Variants in RASGRP3 observed in about 807,000 individuals in gnomAD.
RASGRP3 encodes RAS guanyl releasing protein 3, also known as ras guanyl-releasing protein 3.
Under a neutral mutation model 82.7 loss-of-function variants are expected in RASGRP3, and 54 were observed. The ratio of observed to expected loss-of-function variants is 0.65; its 90% CI spans 0.52 to 0.82. RASGRP3 has a LOEUF of 0.82. RASGRP3 is among the 40% of genes least tolerant of loss of function. The probability of loss-of-function intolerance (pLI) is 0.00; values close to 1 mark genes in which losing one functional copy is unlikely to be tolerated. For synonymous variants in RASGRP3, 309 were observed against 300.5 expected, an observed-to-expected ratio of 1.03 and a Z score of -0.29; for missense variants, 861 against 828.9, an observed-to-expected ratio of 1.04 and a Z score of -0.48.
chr2:33,462,495 A>G (rs1666433932), intron 2 of RASGRP3, among the ~76,000 whole-genome samples: 1 of 151,480 alleles, frequency 6.6e-6, no homozygotes, highest in South Asian at 2.1e-4. Context: ...CTCCTGCCTC[A>G]GCCTCCCAAG....
intron 3 of RASGRP3, among the ~76,000 whole-genome samples, chr2:33,516,038 G>A (rs1671430109): frequency 6.6e-6 from 1 of 152,136 alleles, no homozygotes; most frequent in Admixed American, 6.6e-5. Context: ...TACTAAAACT[G>A]TCAACTGTAG....
intron 1 of RASGRP3, among the ~76,000 whole-genome samples, chr2:33,483,769 G>A (rs1218158997): frequency 6.6e-6 from 1 of 152,156 alleles, no homozygotes. Context: ...GATTACAGGT[G>A]TGAGCCACTG....
intron 12 of RASGRP3, among the ~76,000 whole-genome samples, chr2:33,541,189 TA>T (rs1674255023): frequency 6.8e-6 from 1 of 147,218 alleles, no homozygotes; most frequent in Admixed American, 7.0e-5. Flanking sequence ...TCTCTGATTA[TA>T]AAGGAAGATA....
intron 1 of RASGRP3, chr2:33,482,497 A>G (rs1159271712): frequency 1.3e-5 from 2 of 152,262 alleles, no homozygotes; most frequent in Admixed American, 1.3e-4. Flanking sequence ...TCCTTGCCCA[A>G]CAAAACCATC....
Position 33,549,596 on chromosome 2 carries a change from C to T in RASGRP3, c.1395-8C>T. 1.2e-6 allele frequency: 2 copies of T among 1,609,676 alleles called. No homozygotes were observed. The highest frequency in any genetic ancestry group is 1.7e-6 in the Non-Finnish European group (2 of 1,177,712). On this transcript the variant is annotated splice_region_variant and splice_polypyrimidine_tract_variant and intron_variant, in intron 13 of 17. Coordinates refer to ENST00000403687, the MANE Select transcript of RASGRP3 (RefSeq NM_001139488.2). ...AAGATTCCCTCCCTTCTTTGATTCT[C>T]TTAACAGGGATGGCCTAATTAGTAA...
At chr2:33,505,853 G>T (rs1288418594) in intron 1 of RASGRP3, among the ~76,000 whole-genome samples, 2 of 152,106 alleles carry the variant, frequency 1.3e-5, no homozygotes, top group African/African-American at 2.4e-5. Context: ...TCATTTCCCT[G>T]CTATGTTCGG....
intron 1 of RASGRP3, among the ~76,000 whole-genome samples, chr2:33,445,041 A>G (rs1001839644): frequency 3.3e-5 from 5 of 152,208 alleles, no homozygotes; most frequent in Non-Finnish European, 1.5e-5. Flanking sequence ...TACTTCCAAC[A>G]TTGTGACCAC....
intron 1 of RASGRP3, among the ~76,000 whole-genome samples, chr2:33,493,713 A>G (rs146219381): frequency 3.3e-5 from 5 of 152,100 alleles, no homozygotes; most frequent in African/African-American, 1.2e-4. Context: ...AGAGCTTTTT[A>G]TTGAAATCCC....
At chr2:33,556,231 CTTTTTTTTTTTT>C (rs573022728) in intron 15 of RASGRP3, among the ~76,000 whole-genome samples, 2 of 57,496 alleles carry the variant, frequency 3.5e-5, no homozygotes, top group African/African-American at 1.1e-4. Flanking sequence ...TTCTAATAAT[CTTTTTTTTTTTT>C]TTTTTTTTTT....
intron 1 of RASGRP3, among the ~76,000 whole-genome samples, chr2:33,438,983 A>AGAC (rs147408222): frequency 0.028 from 4,187 of 152,252 alleles, 205 homozygotes; most frequent in African/African-American, 0.096. Flanking sequence ...CTTCTTCTTC[A>AGAC]GACTGGAAAC....
At position 33,498,815 on chromosome 2, in the gene RASGRP3, A is replaced by C. The variant is rs1358608731; in HGVS notation, c.-260-12895A>C. Among the ~76,000 whole-genome samples the C allele has an allele frequency of 2.6e-5, 4 of 152,056 alleles. No homozygotes were observed. The East Asian group carries it at 7.7e-4, about 29-fold the overall frequency. The stretch of plus-strand genomic sequence containing the variant: ...ATGCCCCTGATCATAACTTCTGTCC[A>C]TGTGTGCCCCCTCTCTAGATCCTCA... On this transcript the variant is annotated intron_variant, in intron 1 of 17. Coordinates refer to ENST00000403687, the MANE Select transcript of RASGRP3 (RefSeq NM_001139488.2).
chr2:33,537,320 A>ACACACACCCCC (rs771052774), intron 11 of RASGRP3, among the ~76,000 whole-genome samples: 1 of 33,324 alleles, frequency 3.0e-5, no homozygotes. Flanking sequence ...ACACACACAC[A>ACACACACCCCC]CCGCCCCCCC....
chr2:33,557,156 G>A (rs969426966), intron 15 of RASGRP3, among the ~76,000 whole-genome samples: 4 of 152,188 alleles, frequency 2.6e-5, no homozygotes, highest in Non-Finnish European at 5.9e-5. Flanking sequence ...TCAGTGAAGT[G>A]CAGGACCCTC....
intron 1 of RASGRP3, among the ~76,000 whole-genome samples, chr2:33,490,639 G>A (rs1205511558): frequency 6.6e-6 from 1 of 152,188 alleles, no homozygotes; most frequent in African/African-American, 2.4e-5. Context: ...CTAGATGTTG[G>A]AAAGCCCAAG....
chr2:33,490,934 A>C (rs1372611561), intron 1 of RASGRP3, among the ~76,000 whole-genome samples: 1 of 152,226 alleles, frequency 6.6e-6, no homozygotes, highest in East Asian at 1.9e-4. Context: ...TGATTTGGAT[A>C]CTGGGCCTAA....
chr2:33,524,150 C>T lies in RASGRP3; in HGVS notation c.690+98C>T, dbSNP rs1406165601. On this transcript the variant is annotated intron_variant, in intron 8 of 17. Transcript: ENST00000403687. Reference sequence around the variant, plus strand: ...AAATGTGGCGTTCACAGTATAAGGGCATCGGACAACTAAACTACTCGCTGA... The same window carrying T: ...AAATGTGGCGTTCACAGTATAAGGGTATCGGACAACTAAACTACTCGCTGA... 1.3e-5 allele frequency: 17 copies of T among 1,341,822 alleles called. No homozygotes were observed. In the East Asian group the frequency reaches 3.9e-4, roughly 31 times the overall value. 83.1% of individuals were successfully genotyped at this position (1,341,822 alleles called of 1,614,324 possible). A position where few individuals can be genotyped will look rare whatever the true frequency, so the allele number is the denominator to read the frequency against.
intron 1 of RASGRP3, among the ~76,000 whole-genome samples, chr2:33,480,611 G>A (rs1003045156): frequency 3.3e-5 from 5 of 152,190 alleles, no homozygotes; most frequent in South Asian, 2.1e-4. Context: ...TGCTTGATTC[G>A]TTTTGGGGTC....
intron 1 of RASGRP3, among the ~76,000 whole-genome samples, chr2:33,488,718 G>T (rs1668602717): frequency 2.0e-5 from 3 of 152,170 alleles, no homozygotes; most frequent in African/African-American, 7.2e-5. Flanking sequence ...GACCTAGAAA[G>T]CTTTAAAATG....
intron 1 of RASGRP3, among the ~76,000 whole-genome samples, chr2:33,487,048 T>C (rs2150951163): frequency 6.6e-6 from 1 of 152,344 alleles, no homozygotes; most frequent in East Asian, 1.9e-4. Context: ...GTCATTCTTA[T>C]TTAATTTATA....
Sources: gnomAD v4.1 joint callset for allele counts (sites outside exome capture counted in the v4.1 genomes callset) on GRCh38, gnomAD v4.1.1 for gene constraint, MANE v1.5 for transcripts, NCBI Gene and HGNC (gene_info 2026-07-23, HGNC 2026-07-21) for gene names.